Variants in PDE1A observed in about 807,000 individuals in gnomAD.
The protein encoded by PDE1A is phosphodiesterase 1A.
In PDE1A, 35 loss-of-function variants were observed where a neutral mutation model predicts 61.7. The observed-to-expected ratio is 0.57, with a 90% CI of 0.43 to 0.75. PDE1A has a LOEUF of 0.75. Ranked by LOEUF, PDE1A falls within the 30% of genes least tolerant of loss-of-function variation. PDE1A has a pLI of 0.00. For synonymous variants in PDE1A, 232 were observed against 213.2 expected, an observed-to-expected ratio of 1.09 and a Z score of -0.77; for missense variants, 597 against 630.6, an observed-to-expected ratio of 0.95 and a Z score of 0.57.
At chr2:182,524,206 C>A (rs1475261288), upstream of PDE1A, among the ~76,000 whole-genome samples, 1 of 152,130 alleles carries the variant, frequency 6.6e-6, no homozygotes, top group African/African-American at 2.4e-5. Context: ...CCTGATATTT[C>A]TTTAATGAAA....
At chr2:182,502,332 G>T (rs1689129769) in intron 2 of PDE1A, among the ~76,000 whole-genome samples, 1 of 151,704 alleles carries the variant, frequency 6.6e-6, no homozygotes, top group African/African-American at 2.4e-5. Flanking sequence ...GTGTGTGTGT[G>T]TTTGTGTGTG....
the PDE1A span, among the ~76,000 whole-genome samples, chr2:182,531,220 C>A: frequency 6.7e-6 from 1 of 150,030 alleles, no homozygotes; most frequent in Non-Finnish European, 1.5e-5. Flanking sequence ...AGAAAGAAAA[C>A]AGAAACAAAA....
chr2:182,544,248 G>T, the PDE1A span, among the ~76,000 whole-genome samples: 2 of 152,152 alleles, frequency 1.3e-5, no homozygotes, highest in Non-Finnish European at 2.9e-5. Context: ...TGAAATTAAA[G>T]CAGGGCAACT....
At chr2:182,658,523 C>T in the PDE1A span, among the ~76,000 whole-genome samples, 2 of 152,184 alleles carry the variant, frequency 1.3e-5, no homozygotes, top group East Asian at 3.8e-4. Context: ...TGCACTTCAA[C>T]GTATCTTTTT....
At chr2:182,607,770 A>T in the PDE1A span, among the ~76,000 whole-genome samples, 1 of 152,322 alleles carries the variant, frequency 6.6e-6, no homozygotes, top group South Asian at 2.1e-4. Flanking sequence ...TCTAACAAGC[A>T]CTTTACAGCA....
At chr2:182,387,045 A>G (rs910868010) in intron 1 of PDE1A, among the ~76,000 whole-genome samples, 1 of 152,212 alleles carries the variant, frequency 6.6e-6, no homozygotes, top group Non-Finnish European at 1.5e-5. Context: ...AGAAGTAGAC[A>G]TGGGAGACTT....
intron 2 of PDE1A, among the ~76,000 whole-genome samples, chr2:182,494,943 C>A (rs1688620462): frequency 6.6e-6 from 1 of 152,134 alleles, no homozygotes; most frequent in South Asian, 2.1e-4. Context: ...GCTCTTTCCT[C>A]TGTGGTCTTC....
chr2:182,426,248 A>C (rs1228931036), intron 1 of PDE1A, among the ~76,000 whole-genome samples: 1 of 152,232 alleles, frequency 6.6e-6, no homozygotes, highest in Non-Finnish European at 1.5e-5. Flanking sequence ...AGAACTAAGC[A>C]CAACGTTTCC....
At chr2:182,389,139 T>G (rs1008826722) in intron 1 of PDE1A, among the ~76,000 whole-genome samples, 12 of 152,162 alleles carry the variant, frequency 7.9e-5, no homozygotes, top group Non-Finnish European at 1.8e-4. Context: ...TACCAACCAT[T>G]AAGTCCATCC....
the PDE1A span, among the ~76,000 whole-genome samples, chr2:182,607,610 A>T: frequency 1.3e-5 from 2 of 152,248 alleles, no homozygotes; most frequent in East Asian, 3.8e-4. Flanking sequence ...CGTTTGGTTG[A>T]AAAAAGTCTA....
chr2:182,341,258 A>G (rs1655911580), intron 1 of PDE1A, among the ~76,000 whole-genome samples: 1 of 152,194 alleles, frequency 6.6e-6, no homozygotes, highest in African/African-American at 2.4e-5. Context: ...AAATTACAAG[A>G]CCAAGAAGTA....
intron 2 of PDE1A, among the ~76,000 whole-genome samples, chr2:182,508,740 A>AT (rs200385458): frequency 8.2e-4 from 113 of 138,204 alleles, no homozygotes; most frequent in African/African-American, 2.1e-3. Context: ...TTTTTTTTTT[A>AT]TTTTTTTTTT....
the PDE1A span, among the ~76,000 whole-genome samples, chr2:182,539,755 A>G: frequency 6.6e-6 from 1 of 152,208 alleles, no homozygotes. Flanking sequence ...GTTTCAGTGC[A>G]ATGGGCATTG....
At chr2:182,450,280 C>A (rs1201007558) in intron 2 of PDE1A, among the ~76,000 whole-genome samples, 14 of 151,848 alleles carry the variant, frequency 9.2e-5, no homozygotes, top group Non-Finnish European at 2.9e-5. Context: ...ATTTACTAAC[C>A]AGAGAGAAAG....
the PDE1A span, among the ~76,000 whole-genome samples, chr2:182,635,699 T>TCTCTCTAA: frequency 3.5e-5 from 1 of 28,474 alleles, no homozygotes; most frequent in African/African-American, 1.1e-4. Context: ...TCTCTCTCTC[T>TCTCTCTAA]CCACATATGT....
exon 15 of PDE1A, chr2:182,140,976 C>A (rs1206884866): frequency 6.9e-6 from 1 of 145,704 alleles, no homozygotes; most frequent in African/African-American, 2.6e-5. Context: ...TTTACTGTCT[C>A]TGGAAGTTTG....
intron 2 of PDE1A, among the ~76,000 whole-genome samples, chr2:182,448,004 T>C (rs1685252937): frequency 1.3e-5 from 2 of 152,204 alleles, no homozygotes; most frequent in Admixed American, 6.6e-5. Context: ...TCCTTAACTA[T>C]GTGATCTTGT....
intron 1 of PDE1A, among the ~76,000 whole-genome samples, chr2:182,297,660 C>A (rs1001021204): frequency 1.3e-5 from 2 of 152,216 alleles, no homozygotes; most frequent in Non-Finnish European, 2.9e-5. Context: ...TCAGCCTTTA[C>A]CATTTCATTC....
At chr2:182,679,310 A>G in the PDE1A span, among the ~76,000 whole-genome samples, 3 of 150,160 alleles carry the variant, frequency 2.0e-5, no homozygotes, top group South Asian at 2.1e-4. Context: ...TAGCCTCCCA[A>G]GTAGGTGGGA....
Sources: gnomAD v4.1 joint callset for allele counts (sites outside exome capture counted in the v4.1 genomes callset) on GRCh38, gnomAD v4.1.1 for gene constraint, MANE v1.5 for transcripts, NCBI Gene and HGNC (gene_info 2026-07-23, HGNC 2026-07-21) for gene names.